OR2L13: variants seen among roughly 807,000 people sequenced by gnomAD.
OR2L13 encodes the protein olfactory receptor family 2 subfamily L member 13.
In OR2L13, 14 loss-of-function variants were observed where a neutral mutation model predicts 15.3. The ratio of observed to expected loss-of-function variants is 0.91; its 90% confidence interval spans 0.60 to 1.43. The LOEUF (loss-of-function observed/expected upper bound fraction) is 1.43, where lower values mean the gene tolerates loss of function less well. Among genes scored for constraint, OR2L13 ranks in the 40% most tolerant of loss-of-function variants. OR2L13 has a pLI of 0.00. For missense variants in OR2L13, 367 were observed against 387.9 expected, an observed-to-expected ratio of 0.95 and a Z score of 0.45; for synonymous variants, 152 against 142.9, an observed-to-expected ratio of 1.06 and a Z score of -0.45.
the OR2L13 span, among the ~76,000 whole-genome samples, chr1:248,036,869 C>A: frequency 1.3e-5 from 2 of 151,980 alleles, no homozygotes; most frequent in Non-Finnish European, 2.9e-5. Flanking sequence ...CTTTATGGAT[C>A]TTAACAAAAA....
At chr1:247,987,139 ACACAGTTTTGTTTCTGT>A in the OR2L13 span, among the ~76,000 whole-genome samples, 1 of 152,186 alleles carries the variant, frequency 6.6e-6, no homozygotes, top group Non-Finnish European at 1.5e-5. Context: ...CTCAAAACAG[ACACAGTTTTGTTTCTGT>A]CACATTCAAT....
chr1:248,024,649 T>C, the OR2L13 span, among the ~76,000 whole-genome samples: 1 of 152,156 alleles, frequency 6.6e-6, no homozygotes. Flanking sequence ...CCCAGCACCA[T>C]TGATTAAATA....
At chr1:247,940,727 C>CTTGCGT in the OR2L13 span, among the ~76,000 whole-genome samples, 12 of 54,696 alleles carry the variant, frequency 2.2e-4, no homozygotes, top group Non-Finnish European at 3.9e-4. Context: ...TGTGTGCATA[C>CTTGCGT]GTGCGTGTGT....
chr1:248,085,540 A>G, the OR2L13 span, among the ~76,000 whole-genome samples: 2 of 149,806 alleles, frequency 1.3e-5, no homozygotes, highest in African/African-American at 4.9e-5. Flanking sequence ...CACTGCTAGT[A>G]TGTGTCATGA....
At chr1:247,965,367 G>T in the OR2L13 span, 3 of 1,602,386 alleles carry the variant, frequency 1.9e-6, no homozygotes, top group South Asian at 1.1e-5. Context: ...TTGATATTTT[G>T]GTTTCAGCCA....
At chr1:248,050,753 A>G in the OR2L13 span, among the ~76,000 whole-genome samples, 1 of 152,172 alleles carries the variant, frequency 6.6e-6, no homozygotes, top group African/African-American at 2.4e-5. Context: ...TCTACTTACC[A>G]ATAATTATAC....
At chr1:247,965,626 A>C in the OR2L13 span, 1 of 1,556,390 alleles carries the variant, frequency 6.4e-7, no homozygotes, top group Non-Finnish European at 8.7e-7. Flanking sequence ...GATGGCAGTC[A>C]GCTTCCTCTC....
the OR2L13 span, among the ~76,000 whole-genome samples, chr1:247,961,630 C>G: frequency 6.6e-6 from 1 of 152,118 alleles, no homozygotes. Flanking sequence ...AATATTGGGT[C>G]AGAAATTTGT....
At chr1:248,021,514 G>A in the OR2L13 span, among the ~76,000 whole-genome samples, 1 of 152,088 alleles carries the variant, frequency 6.6e-6, no homozygotes, top group African/African-American at 2.4e-5. Context: ...ATTATCAGTT[G>A]GATTTCAGTC....
At chr1:247,937,764 A>G in the OR2L13 span, among the ~76,000 whole-genome samples, 722 of 152,352 alleles carry the variant, frequency 4.7e-3, 9 homozygotes, top group African/African-American at 0.016. Context: ...CATAGCAAAA[A>G]CTAGAAAAAC....
chr1:247,963,203 C>A, the OR2L13 span, among the ~76,000 whole-genome samples: 1 of 152,168 alleles, frequency 6.6e-6, no homozygotes, highest in African/African-American at 2.4e-5. Flanking sequence ...ATATGCTAAA[C>A]AAGGAGTGAA....
the OR2L13 span, chr1:247,966,198 G>T: frequency 6.2e-7 from 1 of 1,613,812 alleles, no homozygotes; most frequent in South Asian, 1.1e-5. Context: ...ATAAGGCGGT[G>T]GCAGTATTTT....
chr1:248,031,806 C>T, the OR2L13 span, among the ~76,000 whole-genome samples: 4 of 151,810 alleles, frequency 2.6e-5, no homozygotes, highest in South Asian at 2.1e-4. Flanking sequence ...AGGGGGAGAT[C>T]GGAAAAATAA....
At chr1:248,033,299 A>C in the OR2L13 span, among the ~76,000 whole-genome samples, 1 of 152,136 alleles carries the variant, frequency 6.6e-6, no homozygotes, top group African/African-American at 2.4e-5. Context: ...TTGAATGTAG[A>C]TATCTAGTTT....
chr1:248,081,435 A>C, the OR2L13 span, among the ~76,000 whole-genome samples: 1 of 152,064 alleles, frequency 6.6e-6, no homozygotes, highest in Non-Finnish European at 1.5e-5. Context: ...TATTAGGCTT[A>C]ATTTTCTGGT....
chr1:248,007,595 C>T, the OR2L13 span, among the ~76,000 whole-genome samples: 1 of 152,218 alleles, frequency 6.6e-6, no homozygotes, highest in African/African-American at 2.4e-5. Flanking sequence ...TTAATGAATT[C>T]ATTACCTCAC....
intron 1 of OR2L13, among the ~76,000 whole-genome samples, chr1:248,097,672 A>T (rs1572743790): frequency 6.6e-6 from 1 of 152,232 alleles, no homozygotes; most frequent in South Asian, 2.1e-4. Flanking sequence ...CAACTCCAGG[A>T]TGGAACACAT....
the OR2L13 span, chr1:248,040,919 C>G: frequency 4.6e-5 from 7 of 152,158 alleles, no homozygotes; most frequent in Non-Finnish European, 7.4e-5. Context: ...TGGATATACT[C>G]ATTTCAATTA....
chr1:247,986,409 A>G, the OR2L13 span, among the ~76,000 whole-genome samples: 1 of 152,154 alleles, frequency 6.6e-6, no homozygotes, highest in Non-Finnish European at 1.5e-5. Flanking sequence ...TTTGTCAAAG[A>G]TCAGATGGTT....
Sources: allele counts gnomAD v4.1 joint callset (sites outside exome capture counted in the v4.1 genomes callset), GRCh38; gene constraint gnomAD v4.1.1; transcripts MANE v1.5; gene names NCBI Gene and HGNC (gene_info 2026-07-23, HGNC 2026-07-21).